The following TENM2 variants were observed in gnomAD, a reference collection of about 807,000 sequenced individuals.
TENM2 encodes teneurin-2.
Under a neutral mutation model 245.2 loss-of-function variants are expected in TENM2, and 52 were observed. The observed-to-expected ratio is 0.21, with a 90% CI of 0.17 to 0.27. The LOEUF (loss-of-function observed/expected upper bound fraction) is 0.27. Among genes scored for constraint, TENM2 ranks in the 10% least tolerant of loss-of-function variants. The pLI is 1.00. For missense variants in TENM2, 3,046 were observed against 3,666.8 expected (o/e 0.83, Z 4.37); for synonymous variants, 1,363 against 1,438.9 (o/e 0.95, Z 1.19).
intron 12 of TENM2, among the ~76,000 whole-genome samples, chr5:168,151,712 G>C (rs1409145175): frequency 6.6e-6 from 1 of 152,212 alleles, no homozygotes; most frequent in Non-Finnish European, 1.5e-5. Flanking sequence ...TGGTGACTGA[G>C]GTGACCTGAT....
intron 2 of TENM2, among the ~76,000 whole-genome samples, chr5:167,547,832 C>T (rs544999013): frequency 6.6e-6 from 1 of 152,306 alleles, no homozygotes; most frequent in East Asian, 1.9e-4. Context: ...CCAACATATT[C>T]TTCAACCCTT....
chr5:167,572,220 C>T (rs1305174684), intron 2 of TENM2, among the ~76,000 whole-genome samples: 1 of 152,232 alleles, frequency 6.6e-6, no homozygotes, highest in Non-Finnish European at 1.5e-5. Flanking sequence ...AGCAATCCCT[C>T]TTTGGGCACA....
chr5:167,215,280 G>C, the TENM2 span, among the ~76,000 whole-genome samples: 1 of 152,180 alleles, frequency 6.6e-6, no homozygotes, highest in Non-Finnish European at 1.5e-5. Context: ...CAGAGATTTA[G>C]AATTAATTGG....
intron 2 of TENM2, among the ~76,000 whole-genome samples, chr5:167,757,071 A>AT (rs1383926726): frequency 1.3e-5 from 2 of 148,508 alleles, no homozygotes; most frequent in African/African-American, 4.9e-5. Flanking sequence ...TTTATATTAT[A>AT]TTTTTTATTT....
chr5:167,317,634 A>G (rs778596011), intron 1 of TENM2, among the ~76,000 whole-genome samples: 1 of 152,192 alleles, frequency 6.6e-6, no homozygotes, highest in African/African-American at 2.4e-5. Flanking sequence ...ATTATTGCCA[A>G]TATCACTGAA....
intron 13 of TENM2, among the ~76,000 whole-genome samples, chr5:168,165,665 G>A (rs953911889): frequency 6.9e-5 from 2 of 28,944 alleles, no homozygotes; most frequent in Admixed American, 6.0e-4. Flanking sequence ...CCCCCCCCCC[G>A]GCTGGCAGAG....
intron 2 of TENM2, among the ~76,000 whole-genome samples, chr5:167,563,966 C>T (rs576889151): frequency 3.2e-4 from 48 of 152,280 alleles, no homozygotes; most frequent in African/African-American, 1.1e-3. Flanking sequence ...ATTCATGTCT[C>T]AGAATGTATC....
intron 1 of TENM2, among the ~76,000 whole-genome samples, chr5:167,305,299 A>G (rs1755605671): frequency 6.6e-6 from 1 of 152,206 alleles, no homozygotes; most frequent in African/African-American, 2.4e-5. Context: ...ATACCTGTGC[A>G]CTGCATGTCA....
rs1015576347 is a variant in TENM2, at chr5:167,288,130, G to A, written c.226+3067G>A. The stretch of plus-strand genomic sequence containing the variant: ...CAAGACATTCTCCTGGGGCTTAGGA[G>A]TCTAGAGTTGGACGTGAATTCTGCT... On this transcript the variant is annotated intron_variant, in intron 1 of 28. Coordinates refer to ENST00000518659, the Ensembl canonical transcript of TENM2. Among the ~76,000 whole-genome samples, 3 of 152,280 alleles carry A rather than the reference G, an allele frequency of 2.0e-5. No individual in the cohort carries two copies. In the East Asian group the frequency reaches 5.8e-4, roughly 29 times the overall value.
chr5:167,435,986 T>C (rs529747034), intron 2 of TENM2, among the ~76,000 whole-genome samples: 1 of 144,630 alleles, frequency 6.9e-6, no homozygotes, highest in African/African-American at 2.6e-5. Context: ...TTTTTTTTTT[T>C]TTTTTTTTTG....
chr5:168,020,376 G>T (rs1786037417), intron 5 of TENM2, among the ~76,000 whole-genome samples: 1 of 152,196 alleles, frequency 6.6e-6, no homozygotes, highest in African/African-American at 2.4e-5. Flanking sequence ...GCTGTCCTTT[G>T]CTTCTTGTGG....
intron 4 of TENM2, among the ~76,000 whole-genome samples, chr5:167,990,376 A>G (rs559073257): frequency 2.6e-5 from 4 of 152,328 alleles, no homozygotes; most frequent in African/African-American, 9.6e-5. Context: ...GACACTTACT[A>G]TGGGACACAC....
At chr5:167,629,818 T>TC (rs1206652480) in intron 2 of TENM2, among the ~76,000 whole-genome samples, 1 of 152,048 alleles carries the variant, frequency 6.6e-6, no homozygotes, top group Non-Finnish European at 1.5e-5. Flanking sequence ...TGTGTTATAA[T>TC]CACCCAGAAA....
chr5:167,167,799 T>C, the TENM2 span, among the ~76,000 whole-genome samples: 2 of 152,176 alleles, frequency 1.3e-5, no homozygotes, highest in African/African-American at 2.4e-5. Context: ...CCCTGGCACT[T>C]TGTAAGTATT....
the TENM2 span, among the ~76,000 whole-genome samples, chr5:167,261,308 A>G: frequency 6.6e-6 from 1 of 152,028 alleles, no homozygotes; most frequent in Non-Finnish European, 1.5e-5. Context: ...TGCTTGTGTG[A>G]CCTTGTATTC....
chr5:167,850,685 C>T (rs1770494383), intron 2 of TENM2, among the ~76,000 whole-genome samples: 1 of 152,122 alleles, frequency 6.6e-6, no homozygotes, highest in African/African-American at 2.4e-5. Flanking sequence ...GGGGACTACT[C>T]TGGAGGATGG....
chr5:167,092,697 G>C, the TENM2 span, among the ~76,000 whole-genome samples: 1,406 of 152,224 alleles, frequency 9.2e-3, 9 homozygotes, highest in Non-Finnish European at 0.016. Flanking sequence ...GTGAAGCCAG[G>C]ATTTAGAACT....
intron 1 of TENM2, among the ~76,000 whole-genome samples, chr5:167,352,455 C>T (rs1230040426): frequency 6.6e-6 from 1 of 152,150 alleles, no homozygotes; most frequent in African/African-American, 2.4e-5. Context: ...TTTGATTATT[C>T]TTCAATCTAT....
intron 1 of TENM2, among the ~76,000 whole-genome samples, chr5:167,351,506 A>G (rs1758911975): frequency 6.6e-6 from 1 of 152,206 alleles, no homozygotes; most frequent in South Asian, 2.1e-4. Flanking sequence ...AGCTCCTGAC[A>G]GGGCATAGCC....
Sources: gnomAD v4.1 joint callset for allele counts (sites outside exome capture counted in the v4.1 genomes callset) on GRCh38, gnomAD v4.1.1 for gene constraint, MANE v1.5 for transcripts, NCBI Gene and HGNC (gene_info 2026-07-23, HGNC 2026-07-21) for gene names.